Variants in TPRG1 observed in about 807,000 individuals in gnomAD.
TPRG1 encodes the protein tumor protein p63 regulated 1, also known as tumor protein p63-regulated gene 1 protein.
In TPRG1, 29 loss-of-function variants were observed where a neutral mutation model predicts 29.3. That is an observed-to-expected ratio of 0.99 (90% CI 0.74 to 1.35). TPRG1 has a LOEUF of 1.35. TPRG1 is among the 40% of genes most tolerant of loss of function. The probability of loss-of-function intolerance (pLI) is 0.00; values close to 1 mark genes in which losing one functional copy is unlikely to be tolerated. For missense variants in TPRG1, 327 were observed against 335.0 expected, an observed-to-expected ratio of 0.98 and a Z score of 0.19; for synonymous variants, 130 against 116.8, an observed-to-expected ratio of 1.11 and a Z score of -0.73.
rs1175619202 is a variant in TPRG1 at position 189,226,797 on chromosome 3, C to CAA, written c.302+11428_302+11429dup. On this transcript the variant is annotated intron_variant, in intron 3 of 5. Transcript: ENST00000345063. ...AATGGAAAGCATCTAGCAAGGCTGA[C>CAA]AAAAAAAAAAAAAAAGAAAAAGAAA... 3.4e-3 allele frequency among the ~76,000 whole-genome samples: 280 copies of CAA among 81,716 alleles called. 1 individual carries two copies. The highest frequency in any genetic ancestry group is 8.1e-3 in the Admixed American group (60 of 7,420). 53.6% of individuals were successfully genotyped at this position (81,716 alleles called of 152,430 possible).
intron 2 of TPRG1, among the ~76,000 whole-genome samples, chr3:189,002,578 T>G (rs1241112745): frequency 1.3e-5 from 2 of 152,156 alleles, no homozygotes; most frequent in African/African-American, 4.8e-5. Flanking sequence ...GAAGAACCTT[T>G]ATATGCAGCA....
chr3:189,197,210 A>G (rs1177603551), intron 1 of TPRG1, among the ~76,000 whole-genome samples: 9 of 152,238 alleles, frequency 5.9e-5, no homozygotes, highest in Admixed American at 5.9e-4. Context: ...AGAGAAAATA[A>G]CAAAGGCTAC....
chr3:189,068,452 C>T (rs766894033), intron 4 of TPRG1, among the ~76,000 whole-genome samples: 69 of 152,146 alleles, frequency 4.5e-4, no homozygotes, highest in Non-Finnish European at 2.1e-4. Flanking sequence ...GGTACATATA[C>T]ACAACAGAGT....
intron 4 of TPRG1, among the ~76,000 whole-genome samples, chr3:189,282,842 G>A (rs1169910158): frequency 6.6e-6 from 1 of 152,182 alleles, no homozygotes; most frequent in Non-Finnish European, 1.5e-5. Context: ...GGGGGGATGG[G>A]AAGATAATGA....
intron 4 of TPRG1, among the ~76,000 whole-genome samples, chr3:189,026,941 T>G (rs994995916): frequency 6.6e-6 from 1 of 152,220 alleles, no homozygotes; most frequent in African/African-American, 2.4e-5. Context: ...CTTGTGCCAC[T>G]TATATATATC....
intron 1 of TPRG1, among the ~76,000 whole-genome samples, chr3:189,104,074 A>G (rs886198038): frequency 6.6e-6 from 1 of 152,214 alleles, no homozygotes; most frequent in Admixed American, 6.5e-5. Flanking sequence ...CAAGAACGAA[A>G]GAGGTACTGT....
At chr3:189,280,278 T>C (rs529909592) in intron 4 of TPRG1, among the ~76,000 whole-genome samples, 2 of 152,056 alleles carry the variant, frequency 1.3e-5, no homozygotes, top group South Asian at 2.1e-4. Context: ...ATAATATATA[T>C]AAATGAATGG....
At chr3:189,302,914 C>T (rs1262184446) in intron 4 of TPRG1, among the ~76,000 whole-genome samples, 1 of 152,112 alleles carries the variant, frequency 6.6e-6, no homozygotes, top group Non-Finnish European at 1.5e-5. Context: ...CAGCTAAAGT[C>T]AGGAATGTTG....
rs754243171 is a variant in TPRG1 at position 189,320,609 on chromosome 3, CT to C, written c.634-10del. The stretch of plus-strand genomic sequence containing the variant: ...TCTACAGTAACTAACTTTGTGCCTT[CT>C]TTTTTTCTTCTTCAGTTGTCTGGGT... On this transcript the variant is annotated splice_polypyrimidine_tract_variant and intron_variant, in intron 5 of 5. Transcript: ENST00000345063. 6 of 1,584,374 alleles carry C rather than the reference CT, an allele frequency of 3.8e-6. No individual in the cohort carries two copies. Among genetic ancestry groups the C allele is most frequent in the Admixed American group, 3.7e-5 (2 of 54,694 alleles).
intron 1 of TPRG1, among the ~76,000 whole-genome samples, chr3:189,198,321 T>C (rs1428062054): frequency 6.6e-6 from 1 of 152,110 alleles, no homozygotes; most frequent in East Asian, 1.9e-4. Flanking sequence ...CCATCTTCTG[T>C]CTCTATGGTG....
intron 4 of TPRG1, among the ~76,000 whole-genome samples, chr3:189,261,103 A>G (rs1712942979): frequency 6.6e-6 from 1 of 152,124 alleles, no homozygotes; most frequent in Admixed American, 6.5e-5. Context: ...TCTCCTGTCT[A>G]GACAATCTAA....
chr3:189,232,128 G>A (rs1001011304), intron 3 of TPRG1, among the ~76,000 whole-genome samples: 3 of 152,014 alleles, frequency 2.0e-5, no homozygotes, highest in African/African-American at 7.3e-5. Context: ...CTCATGGTAG[G>A]ACTTTCCTTA....
chr3:189,235,425 CAT>C (rs962544576), intron 3 of TPRG1, among the ~76,000 whole-genome samples: 1 of 151,898 alleles, frequency 6.6e-6, no homozygotes, highest in Non-Finnish European at 1.5e-5. Flanking sequence ...GTGGTGTTGA[CAT>C]CTTTATCTTA....
intron 1 of TPRG1, among the ~76,000 whole-genome samples, chr3:189,183,578 A>G (rs1730528986): frequency 6.6e-6 from 1 of 152,014 alleles, no homozygotes; most frequent in Non-Finnish European, 1.5e-5. Flanking sequence ...GACCACACCC[A>G]AGGGGGCCAT....
In TPRG1 at chr3:189,294,803, TACAC is replaced by T. The variant is rs10544733; in HGVS notation, c.480-15561_480-15558del. Among the ~76,000 whole-genome samples the T allele has an allele frequency of 1.9e-3, 280 of 150,106 alleles. 1 individual carries two copies. Among genetic ancestry groups the T allele is most frequent in the South Asian group, 0.016 (76 of 4,728 alleles). On this transcript the variant is annotated intron_variant, in intron 4 of 5. Coordinates refer to ENST00000345063, the MANE Select transcript of TPRG1 (RefSeq NM_198485.4). Reference sequence around the variant, plus strand: ...CCTTTAATTACACAACCCTTACAGTTACACACACACACACACACACACACAGCGC... The same window carrying T: ...CCTTTAATTACACAACCCTTACAGTTACACACACACACACACACACAGCGC...
chr3:189,092,547 C>T (rs1312322479), intron 4 of TPRG1, among the ~76,000 whole-genome samples: 3 of 150,398 alleles, frequency 2.0e-5, no homozygotes, highest in African/African-American at 7.4e-5. Context: ...TGATTTTCCT[C>T]AATTTGTTTC....
chr3:189,135,608 A>G lies in TPRG1; in HGVS notation c.-291+2911A>G, dbSNP rs188753303. Reference sequence around the variant, plus strand: ...CCCCTGCTATATTTCTCTGGACTATATGTGTAGCTGCTCAAATGATTGCTC... The same window carrying G: ...CCCCTGCTATATTTCTCTGGACTATGTGTGTAGCTGCTCAAATGATTGCTC... On this transcript the variant is annotated intron_variant, in intron 3 of 6. Transcript: ENST00000412373. Among the ~76,000 whole-genome samples, 384 of 152,284 alleles carry G rather than the reference A, an allele frequency of 2.5e-3. 1 individual carries two copies. Among genetic ancestry groups the G allele is most frequent in the Non-Finnish European group, 3.7e-3 (255 of 68,024 alleles).
chr3:189,215,412 G>T (rs568681155), intron 3 of TPRG1, 29 bp downstream of exon 3: 2 of 1,577,532 alleles, frequency 1.3e-6, no homozygotes. Context: ...GTGAAGGGCC[G>T]TGGAAATACA....
rs1002873890 is a variant in TPRG1, at chr3:189,288,225, A to T, written c.480-22161A>T. On this transcript the variant is annotated intron_variant, in intron 4 of 5. Coordinates refer to ENST00000345063, the MANE Select transcript of TPRG1 (RefSeq NM_198485.4). ...AATGTAGTTGCTTCACTTTTTAAAAAATGAATAACATTGTATGTAAAAAAA... is the reference window on the plus strand; with the variant it reads ...AATGTAGTTGCTTCACTTTTTAAAATATGAATAACATTGTATGTAAAAAAA... Among the ~76,000 whole-genome samples the T allele has an allele frequency of 1.1e-3, 161 of 152,280 alleles. 1 individual carries two copies. The highest frequency in any genetic ancestry group is 3.4e-3 in the Middle Eastern group (1 of 294).
Sources: gnomAD v4.1 joint callset for allele counts (sites outside exome capture counted in the v4.1 genomes callset) on GRCh38, gnomAD v4.1.1 for gene constraint, MANE v1.5 for transcripts, NCBI Gene and HGNC (gene_info 2026-07-23, HGNC 2026-07-21) for gene names.